MMP16: variants seen among roughly 807,000 people sequenced by gnomAD.
MMP16 encodes the protein matrix metallopeptidase 16.
MMP16 carries 12 observed loss-of-function variants against 67.8 expected under a neutral mutation model. That is an observed-to-expected ratio of 0.18 (90% CI 0.11 to 0.29). MMP16 has a LOEUF of 0.29. MMP16 is among the 10% of genes least tolerant of loss of function. The pLI is 1.00. For missense variants in MMP16, 475 were observed against 765.7 expected (o/e 0.62, Z 4.48); for synonymous variants, 249 against 255.9 (o/e 0.97, Z 0.26).
rs184451568 is a variant in MMP16, at chr8:88,259,434, A to G, written c.133-62128T>C. Among the ~76,000 whole-genome samples the G allele has an allele frequency of 4.9e-3, 742 of 152,254 alleles. 15 individuals are homozygous for G. The highest frequency in any genetic ancestry group is 3.6e-3 in the Non-Finnish European group (246 of 68,012). ...TTATTTAAGGCATTTATGTAACTAC[A>G]CAACCCTACTATGAAGCAATTGGGT... On this transcript the variant is annotated intron_variant, in intron 1 of 9. Transcript: ENST00000286614.
At chr8:88,196,262 G>A (rs1461810147) in intron 2 of MMP16, among the ~76,000 whole-genome samples, 1 of 152,116 alleles carries the variant, frequency 6.6e-6, no homozygotes, top group Non-Finnish European at 1.5e-5. Flanking sequence ...TAAACTTTGT[G>A]AGTATCAAGG....
chr8:88,091,874 G>C (rs909949796), intron 6 of MMP16, among the ~76,000 whole-genome samples: 3 of 151,778 alleles, frequency 2.0e-5, no homozygotes, highest in African/African-American at 7.2e-5. Flanking sequence ...CTTTTGACTT[G>C]TGGCTATCAT....
At chr8:88,165,815 T>A (rs1808702444) in intron 4 of MMP16, among the ~76,000 whole-genome samples, 2 of 152,228 alleles carry the variant, frequency 1.3e-5, no homozygotes, top group South Asian at 4.1e-4. Flanking sequence ...TCTACACATT[T>A]TTGAACTAAT....
intron 2 of MMP16, among the ~76,000 whole-genome samples, chr8:88,191,555 A>AT (rs894577757): frequency 1.3e-5 from 2 of 151,804 alleles, no homozygotes; most frequent in Non-Finnish European, 1.5e-5. Flanking sequence ...TAAAACAGGG[A>AT]TTTTTTTTGG....
intron 2 of MMP16, among the ~76,000 whole-genome samples, chr8:88,190,354 A>C (rs1809151071): frequency 1.3e-5 from 2 of 152,264 alleles, no homozygotes; most frequent in Non-Finnish European, 1.5e-5. Flanking sequence ...ATCCGAGCTA[A>C]ATTGGTCTTC....
chr8:88,270,939 G>C (rs1810553924), intron 1 of MMP16, among the ~76,000 whole-genome samples: 1 of 152,136 alleles, frequency 6.6e-6, no homozygotes, highest in Admixed American at 6.5e-5. Flanking sequence ...AGTATATCTT[G>C]AGTATATCAT....
intron 6 of MMP16, among the ~76,000 whole-genome samples, chr8:88,082,552 T>C (rs932491853): frequency 1.2e-4 from 18 of 152,272 alleles, no homozygotes; most frequent in Non-Finnish European, 2.6e-4. Context: ...AGCAAATGTA[T>C]TCTATCTTCT....
At chr8:88,154,631 A>C (rs1016658345) in intron 4 of MMP16, among the ~76,000 whole-genome samples, 1 of 149,078 alleles carries the variant, frequency 6.7e-6, no homozygotes, top group African/African-American at 2.5e-5. Context: ...AAAACCAAAC[A>C]CCGCATATTC....
intron 1 of MMP16, among the ~76,000 whole-genome samples, chr8:88,208,482 C>T (rs1349755025): frequency 6.6e-6 from 1 of 152,126 alleles, no homozygotes; most frequent in Non-Finnish European, 1.5e-5. Context: ...TCACCAAGAA[C>T]CCCATAAATC....
At chr8:88,090,360 T>G (rs1808912987) in intron 6 of MMP16, among the ~76,000 whole-genome samples, 1 of 151,996 alleles carries the variant, frequency 6.6e-6, no homozygotes, top group South Asian at 2.1e-4. Context: ...AGGAATGATA[T>G]TAAAGGAATG....
At chr8:88,239,294 C>CAAAA (rs34599512) in intron 1 of MMP16, among the ~76,000 whole-genome samples, 12,367 of 78,600 alleles carry the variant, frequency 0.16, 1,616 homozygotes, top group Non-Finnish European at 0.17. Context: ...GACGCAGTCT[C>CAAAA]AAAAAAAAAA....
At chr8:88,258,089 A>G (rs1810332240) in intron 1 of MMP16, among the ~76,000 whole-genome samples, 1 of 148,848 alleles carries the variant, frequency 6.7e-6, no homozygotes, top group Non-Finnish European at 1.5e-5. Context: ...TCTGTCACCC[A>G]GGCTGGAGTG....
At chr8:88,247,996 G>T (rs1368224382) in intron 1 of MMP16, among the ~76,000 whole-genome samples, 1 of 151,976 alleles carries the variant, frequency 6.6e-6, no homozygotes, top group Non-Finnish European at 1.5e-5. Context: ...TGGGGAGTGG[G>T]CACCAAGGTG....
At chr8:88,204,924 A>C (rs1809402869) in intron 1 of MMP16, among the ~76,000 whole-genome samples, 1 of 152,098 alleles carries the variant, frequency 6.6e-6, no homozygotes, top group African/African-American at 2.4e-5. Context: ...TACAGAAACA[A>C]TTTCTTAGAA....
chr8:88,118,164 C>A (rs903654889), intron 5 of MMP16, among the ~76,000 whole-genome samples: 3 of 151,994 alleles, frequency 2.0e-5, no homozygotes, highest in African/African-American at 7.2e-5. Context: ...TGTTTGTTAA[C>A]TCTTACTCTA....
intron 8 of MMP16, among the ~76,000 whole-genome samples, chr8:88,055,927 A>C (rs1808326867): frequency 6.6e-6 from 1 of 152,264 alleles, no homozygotes; most frequent in Admixed American, 6.5e-5. Context: ...CACATTCATA[A>C]GAAAGTCACA....
intron 9 of MMP16, among the ~76,000 whole-genome samples, chr8:88,042,427 A>T (rs1808145705): frequency 1.3e-5 from 2 of 152,170 alleles, no homozygotes; most frequent in South Asian, 4.1e-4. Context: ...TAACAAGTAA[A>T]GACGTATTCA....
chr8:88,209,400 T>G (rs180931286), intron 1 of MMP16, among the ~76,000 whole-genome samples: 2 of 152,290 alleles, frequency 1.3e-5, no homozygotes, highest in Non-Finnish European at 2.9e-5. Context: ...TCCTTTTGCT[T>G]ACTTATTGTT....
At chr8:88,256,883 C>T (rs1297465182) in intron 1 of MMP16, among the ~76,000 whole-genome samples, 2 of 152,114 alleles carry the variant, frequency 1.3e-5, no homozygotes, top group Non-Finnish European at 2.9e-5. Flanking sequence ...ATTTCAGAGC[C>T]TATTTAAGCA....
Sources: allele counts gnomAD v4.1 joint callset (sites outside exome capture counted in the v4.1 genomes callset), GRCh38; gene constraint gnomAD v4.1.1; transcripts MANE v1.5; gene names NCBI Gene and HGNC (gene_info 2026-07-23, HGNC 2026-07-21).